SLC6A15: variants seen among roughly 807,000 people sequenced by gnomAD.
SLC6A15 encodes solute carrier family 6 member 15, also known as sodium-dependent neutral amino acid transporter B(0)AT2.
A neutral mutation model predicts 68.5 loss-of-function variants in SLC6A15; 33 were observed. The observed-to-expected ratio is 0.48, with a 90% CI of 0.37 to 0.64. The LOEUF (loss-of-function observed/expected upper bound fraction) is 0.64, where lower values mean the gene tolerates loss of function less well. Ranked by LOEUF, SLC6A15 falls within the 30% of genes least tolerant of loss-of-function variation. The pLI is 0.00. For missense variants in SLC6A15, 747 were observed against 874.3 expected (o/e 0.85, Z 1.84); for synonymous variants, 347 against 301.0 (o/e 1.15, Z -1.58).
chr12:84,881,821 T>A (rs1167415646), intron 5 of SLC6A15: 1 of 979,566 alleles, frequency 1.0e-6, no homozygotes, highest in East Asian at 1.1e-4. Flanking sequence ...GTCATTGTTA[T>A]TATATTTAAC....
intron 1 of SLC6A15, among the ~76,000 whole-genome samples, chr12:84,893,443 T>TA (rs1872511992): frequency 6.6e-6 from 1 of 152,170 alleles, no homozygotes; most frequent in African/African-American, 2.4e-5. Flanking sequence ...ATTTGTATGT[T>TA]ACGTCTCCTA....
At chr12:84,869,893 C>A (rs1871215108) in intron 9 of SLC6A15, among the ~76,000 whole-genome samples, 1 of 151,812 alleles carries the variant, frequency 6.6e-6, no homozygotes, top group African/African-American at 2.4e-5. Flanking sequence ...ATTTTATATC[C>A]TTTATAGCCC....
chr12:84,877,123 G>C (rs192945262), intron 5 of SLC6A15, among the ~76,000 whole-genome samples: 50 of 152,248 alleles, frequency 3.3e-4, no homozygotes, highest in Middle Eastern at 3.4e-3. Flanking sequence ...AATTTTCACT[G>C]TTAAACAGTT....
chr12:84,883,170 T>C, intron 5 of SLC6A15: 1 of 944,624 alleles, frequency 1.1e-6, no homozygotes, highest in Non-Finnish European at 1.3e-6. Flanking sequence ...AAAAAAAAAG[T>C]AATACGAAAG....
rs952349337 is a variant in SLC6A15 at position 84,884,181 on chromosome 12, T to C, written c.575-141A>G. ...TGTATAGCAGCATGTAAATTCACAA[T>C]GAACAATAAAAATTCAACTGTGCAA... On this transcript the variant is annotated intron_variant, in intron 4 of 11. Transcript: ENST00000266682. 1.8e-5 allele frequency: 12 copies of C among 669,164 alleles called. No individual in the cohort carries two copies. In the African/African-American group the frequency reaches 1.8e-4, roughly 10 times the overall value. The allele number at this position is 669,164 out of a possible 1,614,324, so 41.5% of individuals were successfully genotyped here. A position where few individuals can be genotyped will look rare whatever the true frequency, so the allele number is the denominator to read the frequency against.
Position 84,872,791 on chromosome 12 carries a change from A to G in SLC6A15, c.1113T>C (p.Asn371=). The G allele has an allele frequency of 1.3e-6, 2 of 1,599,170 alleles. No individual in the cohort carries two copies. Among genetic ancestry groups the G allele is most frequent in the Non-Finnish European group, 1.7e-6 (2 of 1,175,466 alleles). ...NVINEKCITQ[N]SETIMKFLKM... is the part of the protein sequence containing the mutation. ...TCAAAAATTTCATGATCGTCTCTGA[A>G]TTTCTGAAAAATAAAACAACATACA... The change falls in exon 8 of 12, where the codon AAT becomes AAC. Residue 371 remains asparagine, a synonymous_variant. Coordinates refer to ENST00000266682, the MANE Select transcript of SLC6A15 (RefSeq NM_182767.6).
At chr12:84,890,440 T>G (rs1346285497) in intron 2 of SLC6A15, among the ~76,000 whole-genome samples, 1 of 152,162 alleles carries the variant, frequency 6.6e-6, no homozygotes, top group African/African-American at 2.4e-5. Context: ...CTGCTAGTCT[T>G]GGCAAATGGA....
intron 6 of SLC6A15, among the ~76,000 whole-genome samples, chr12:84,874,812 A>G (rs114487882): frequency 0.012 from 1,785 of 152,268 alleles, 38 homozygotes; most frequent in African/African-American, 0.042. Flanking sequence ...ATCTCCACTC[A>G]CTGTTTCACA....
intron 5 of SLC6A15, chr12:84,882,625 G>C (rs934868697): frequency 8.0e-6 from 2 of 249,878 alleles, no homozygotes; most frequent in African/African-American, 4.6e-5. Flanking sequence ...TGCAGTTAAA[G>C]AACATGGGCT....
At chr12:84,868,531 G>A (rs566211519) in intron 9 of SLC6A15, among the ~76,000 whole-genome samples, 1 of 152,250 alleles carries the variant, frequency 6.6e-6, no homozygotes, top group East Asian at 1.9e-4. Flanking sequence ...ATAAAAAAGT[G>A]CATTATAAGT....
intron 6 of SLC6A15, among the ~76,000 whole-genome samples, chr12:84,874,102 A>G (rs1335122421): frequency 6.6e-6 from 1 of 152,188 alleles, no homozygotes; most frequent in Non-Finnish European, 1.5e-5. Context: ...ATAGCGTTTA[A>G]ATTGGCATTT....
At chr12:84,898,019 C>A (rs1032985769) in intron 1 of SLC6A15, among the ~76,000 whole-genome samples, 1 of 152,170 alleles carries the variant, frequency 6.6e-6, no homozygotes, top group African/African-American at 2.4e-5. Context: ...ATATGCTCAT[C>A]TTTCATGTAG....
In SLC6A15 at chr12:84,870,541, T is replaced by C; in HGVS notation, c.1432A>G (p.Thr478Ala). 6.2e-7 allele frequency: 1 copy of C among 1,604,952 alleles called. No individual in the cohort carries two copies. Among genetic ancestry groups the C allele is most frequent in the Non-Finnish European group, 8.5e-7 (1 of 1,175,350 alleles). Residue 478 changes from threonine (T) to alanine (A), a missense_variant, in exon 9 of 12, where the codon ACC becomes GCC. Coordinates refer to ENST00000266682, the MANE Select transcript of SLC6A15 (RefSeq NM_182767.6). ...VNLGLGSMFG[T>A]IEGIVTPIVD... ...ATAGGCGTGACAATCCCTTCAATGGTTCCAAACATACTGCCAAGGCCTAGA... is the reference window on the plus strand; with the variant it reads ...ATAGGCGTGACAATCCCTTCAATGGCTCCAAACATACTGCCAAGGCCTAGA...
intron 5 of SLC6A15, 103 bp from the exon 6 acceptor site, chr12:84,876,710 G>A (rs916001835): frequency 2.1e-5 from 11 of 532,192 alleles, no homozygotes; most frequent in Admixed American, 3.9e-5. Flanking sequence ...ACTGTTTCAT[G>A]ACAGGATTAA....
At chr12:84,873,379 T>G in intron 6 of SLC6A15, 51 bp from the exon 7 acceptor site, 1 of 1,581,458 alleles carries the variant, frequency 6.3e-7, no homozygotes, top group Non-Finnish European at 8.6e-7. Flanking sequence ...TGTTTCAGAA[T>G]AATTAATTTT....
chr12:84,864,194 T>A (rs1478588102), intron 10 of SLC6A15, among the ~76,000 whole-genome samples: 1 of 151,654 alleles, frequency 6.6e-6, no homozygotes, highest in African/African-American at 2.4e-5. Flanking sequence ...CTTAATATCA[T>A]CAAATATACC....
rs143766629 is a variant in SLC6A15, at chr12:84,889,831, T to C, written c.289+2001A>G. Among the ~76,000 whole-genome samples, 974 of 152,272 alleles carry C rather than the reference T, an allele frequency of 6.4e-3. 4 individuals carry two copies. Among genetic ancestry groups the C allele is most frequent in the African/African-American group, 0.019 (776 of 41,558 alleles). ...TGTAAAAGAACCAGGCTTCAAACAG[T>C]GAAATTGACTTCAAAACCTGATCTG... On this transcript the variant is annotated intron_variant, in intron 2 of 11. Coordinates refer to ENST00000266682, the MANE Select transcript of SLC6A15 (RefSeq NM_182767.6).
At position 84,873,075 on chromosome 12, in the gene SLC6A15, T is replaced by C. The variant is rs763628493; in HGVS notation, c.1109+12A>G. 5.6e-6 allele frequency: 9 copies of C among 1,605,226 alleles called. No individual in the cohort carries two copies. The highest frequency in any genetic ancestry group is 3.3e-4 in the Middle Eastern group (2 of 5,990). On this transcript the variant is annotated intron_variant, in intron 7 of 11. Transcript: ENST00000266682. The stretch of plus-strand genomic sequence containing the variant: ...ACTAAGAAAAAAGGCAAATGGAAAT[T>C]AATATTCATACTGTGTAATGCATTT...
At chr12:84,894,866 A>T (rs1455606155) in intron 1 of SLC6A15, among the ~76,000 whole-genome samples, 1 of 152,102 alleles carries the variant, frequency 6.6e-6, no homozygotes, top group Non-Finnish European at 1.5e-5. Context: ...TATATCATAA[A>T]CACTTTGAAT....
Sources: gnomAD v4.1 joint callset for allele counts (sites outside exome capture counted in the v4.1 genomes callset) on GRCh38, gnomAD v4.1.1 for gene constraint, MANE v1.5 for transcripts, NCBI Gene and HGNC (gene_info 2026-07-23, HGNC 2026-07-21) for gene names.